Variants in MAGI2 observed in about 807,000 individuals in gnomAD.
MAGI2 encodes the protein membrane associated guanylate kinase, WW and PDZ domain containing 2.
MAGI2 carries 35 observed loss-of-function variants against 133.3 expected under a neutral mutation model. The observed-to-expected ratio is 0.26, with a 90% CI of 0.20 to 0.35. MAGI2 has a LOEUF of 0.35. MAGI2 is among the 10% of genes least tolerant of loss of function. MAGI2 has a pLI of 1.00. For missense variants in MAGI2, 1,636 were observed against 1,863.4 expected (o/e 0.88, Z 2.25); for synonymous variants, 729 against 710.6 (o/e 1.03, Z -0.41).
intron 2 of MAGI2, among the ~76,000 whole-genome samples, chr7:78,979,454 C>T (rs1404989711): frequency 1.3e-5 from 2 of 151,824 alleles, no homozygotes; most frequent in South Asian, 2.1e-4. Flanking sequence ...GACAAGGTCT[C>T]CAGCCAAATA....
At chr7:78,960,449 T>G (rs1203273611) in intron 2 of MAGI2, among the ~76,000 whole-genome samples, 8 of 152,118 alleles carry the variant, frequency 5.3e-5, no homozygotes, top group African/African-American at 1.9e-4. Flanking sequence ...ATAATAATCA[T>G]GAATATTTTC....
intron 1 of MAGI2, among the ~76,000 whole-genome samples, chr7:79,299,026 G>T (rs1383953622): frequency 6.6e-6 from 1 of 152,046 alleles, no homozygotes; most frequent in East Asian, 1.9e-4. Flanking sequence ...AGCAAACTAG[G>T]CAGTTTTGAT....
chr7:78,374,021 C>A (rs1234319981), intron 6 of MAGI2, among the ~76,000 whole-genome samples: 1 of 152,112 alleles, frequency 6.6e-6, no homozygotes, highest in Non-Finnish European at 1.5e-5. Context: ...TAGGTTGATT[C>A]CATGTCTCTG....
Position 79,425,568 on chromosome 7 carries a change from A to AAT in MAGI2, c.301+27450_301+27451dup, listed in dbSNP as rs200484468. ...GTTTAGTCAGAACTGTTTTGCAGAAAATAAGGGTTTTATATATATATATAT... is the reference window on the plus strand; with the variant it reads ...GTTTAGTCAGAACTGTTTTGCAGAAAATATAAGGGTTTTATATATATATATAT... On this transcript the variant is annotated intron_variant, in intron 1 of 21. Coordinates refer to ENST00000354212, the MANE Select transcript of MAGI2 (RefSeq NM_012301.4). 2.6e-3 allele frequency among the ~76,000 whole-genome samples: 253 copies of AAT among 96,930 alleles called. 7 individuals carry two copies. The East Asian group carries it at 0.061, about 23-fold the overall frequency. The allele number at this position is 96,930 out of a possible 152,430, so 63.6% of individuals were successfully genotyped here.
At chr7:78,623,238 A>G (rs1807937275) in intron 3 of MAGI2, among the ~76,000 whole-genome samples, 1 of 152,018 alleles carries the variant, frequency 6.6e-6, no homozygotes, top group African/African-American at 2.4e-5. Context: ...ATTGTTAATC[A>G]TGTTACTCTT....
intron 3 of MAGI2, among the ~76,000 whole-genome samples, chr7:78,589,237 C>A (rs12705630): frequency 4.6e-5 from 7 of 152,136 alleles, no homozygotes; most frequent in Non-Finnish European, 8.8e-5. Context: ...CACACTTACA[C>A]GGTGCTGATT....
At chr7:79,168,929 T>A (rs1165794294) in intron 1 of MAGI2, among the ~76,000 whole-genome samples, 3 of 145,284 alleles carry the variant, frequency 2.1e-5, no homozygotes, top group African/African-American at 7.9e-5. Context: ...TATATATATA[T>A]ATATAAATTT....
chr7:79,289,237 T>G (rs910365998), intron 1 of MAGI2, among the ~76,000 whole-genome samples: 2 of 152,142 alleles, frequency 1.3e-5, no homozygotes, highest in Non-Finnish European at 2.9e-5. Flanking sequence ...AGTATCAGCT[T>G]CTCATTAAGC....
At chr7:78,427,661 A>C (rs1248591162) in intron 6 of MAGI2, among the ~76,000 whole-genome samples, 1 of 144,868 alleles carries the variant, frequency 6.9e-6, no homozygotes, top group Non-Finnish European at 1.5e-5. Context: ...CAAAAAGACA[A>C]AAAAAAAAAA....
At chr7:79,252,613 G>A (rs943096679) in intron 1 of MAGI2, among the ~76,000 whole-genome samples, 1 of 152,110 alleles carries the variant, frequency 6.6e-6, no homozygotes, top group African/African-American at 2.4e-5. Context: ...TAATTGAGTT[G>A]TTTGTAACAC....
In MAGI2 at chr7:78,018,218, TAA is replaced by T. The variant is rs1807946057; in HGVS notation, c.*1095_*1096del. ...AAGAAGGATAAGCAGAAAGGAATGCTAAAAAGACTCACGTTCTTTAATGAAAA... is the reference window on the plus strand; with the variant it reads ...AAGAAGGATAAGCAGAAAGGAATGCTAAAGACTCACGTTCTTTAATGAAAA... On this transcript the variant is annotated 3_prime_UTR_variant, in exon 22 of 22. Coordinates refer to ENST00000354212, the MANE Select transcript of MAGI2 (RefSeq NM_012301.4). 1 of 152,610 alleles carries T rather than the reference TAA, an allele frequency of 6.6e-6. No individual in the cohort carries two copies. Among genetic ancestry groups the T allele is most frequent in the African/African-American group, 2.4e-5 (1 of 41,458 alleles). The allele number at this position is 152,610 out of a possible 1,614,324, so 9.5% of individuals were successfully genotyped here.
intron 21 of MAGI2, among the ~76,000 whole-genome samples, chr7:78,075,389 T>TA (rs905712904): frequency 6.6e-6 from 1 of 150,902 alleles, no homozygotes; most frequent in Non-Finnish European, 1.5e-5. Context: ...TTTTTTTTTT[T>TA]TTTTTGAGAC....
chr7:78,767,049 G>A (rs1825101111), intron 2 of MAGI2, among the ~76,000 whole-genome samples: 1 of 151,718 alleles, frequency 6.6e-6, no homozygotes, highest in Non-Finnish European at 1.5e-5. Context: ...GAGTGCAATG[G>A]CACGATCTCA....
At chr7:78,639,580 T>C (rs1810057346) in intron 2 of MAGI2, among the ~76,000 whole-genome samples, 1 of 152,220 alleles carries the variant, frequency 6.6e-6, no homozygotes, top group African/African-American at 2.4e-5. Flanking sequence ...AATCTTATTA[T>C]AAAGTTGATG....
At chr7:78,442,999 G>A (rs901734011) in intron 6 of MAGI2, among the ~76,000 whole-genome samples, 1 of 152,068 alleles carries the variant, frequency 6.6e-6, no homozygotes, top group African/African-American at 2.4e-5. Flanking sequence ...GATACCAAGT[G>A]GCCTGTCAGT....
chr7:78,147,810 A>G (rs1356357125), intron 16 of MAGI2, among the ~76,000 whole-genome samples: 3 of 152,138 alleles, frequency 2.0e-5, no homozygotes, highest in African/African-American at 7.2e-5. Context: ...AGCCTGGGCA[A>G]CATAGGGATA....
intron 1 of MAGI2, among the ~76,000 whole-genome samples, chr7:79,131,454 G>A (rs1820931184): frequency 6.6e-6 from 1 of 152,170 alleles, no homozygotes; most frequent in Non-Finnish European, 1.5e-5. Flanking sequence ...TGTATCTGAA[G>A]AGTGCTGGAT....
At chr7:79,440,932 TC>T (rs1172263283) in intron 1 of MAGI2, among the ~76,000 whole-genome samples, 1 of 152,172 alleles carries the variant, frequency 6.6e-6, no homozygotes, top group Non-Finnish European at 1.5e-5. Context: ...GCTTCAGGCA[TC>T]ACGTCCATGT....
chr7:78,267,109 T>C (rs1330855324), intron 9 of MAGI2, among the ~76,000 whole-genome samples: 2 of 152,164 alleles, frequency 1.3e-5, no homozygotes, highest in Non-Finnish European at 1.5e-5. Context: ...AGTGCTTCAA[T>C]TGCAAGCCAG....
Sources: allele counts gnomAD v4.1 joint callset (sites outside exome capture counted in the v4.1 genomes callset), GRCh38; gene constraint gnomAD v4.1.1; transcripts MANE v1.5; gene names NCBI Gene and HGNC (gene_info 2026-07-23, HGNC 2026-07-21).